The following ZNF7 variants were observed in gnomAD, a reference collection of about 807,000 sequenced individuals.
The protein encoded by ZNF7 is zinc finger protein 7.
In ZNF7, 10 loss-of-function variants were observed where a neutral mutation model predicts 12.0. That is an observed-to-expected ratio of 0.83 (90% CI 0.51 to 1.42). The LOEUF (loss-of-function observed/expected upper bound fraction) is 1.42. Ranked by LOEUF, ZNF7 falls within the 40% of genes most tolerant of loss-of-function variation. The probability of loss-of-function intolerance (pLI) is 0.00; values close to 1 mark genes in which losing one functional copy is unlikely to be tolerated. For missense variants in ZNF7, 854 were observed against 837.2 expected, an observed-to-expected ratio of 1.02 and a Z score of -0.25; for synonymous variants, 334 against 295.0, an observed-to-expected ratio of 1.13 and a Z score of -1.35.
chr8:144,844,767 A>C (rs906503815), downstream of ZNF7, among the ~76,000 whole-genome samples: 1 of 149,230 alleles, frequency 6.7e-6, no homozygotes, highest in Non-Finnish European at 1.5e-5. Flanking sequence ...GGTGGTTGGG[A>C]AACAAATATG....
chr8:144,832,964 G>T (rs891085479), intron 3 of ZNF7, among the ~76,000 whole-genome samples: 5 of 152,020 alleles, frequency 3.3e-5, no homozygotes, highest in Non-Finnish European at 7.4e-5. Context: ...GAAGTAGGCC[G>T]AGGTGGGCGG....
downstream of ZNF7, among the ~76,000 whole-genome samples, chr8:144,844,578 C>T (rs552104609): frequency 4.2e-4 from 64 of 151,874 alleles, no homozygotes; most frequent in African/African-American, 1.4e-3. Context: ...GGCGTGGTGG[C>T]GGGCACCTGT....
At chr8:144,836,580 T>A (rs1206790773) in intron 3 of ZNF7, 1 of 152,300 alleles carries the variant, frequency 6.6e-6, no homozygotes, top group African/African-American at 2.4e-5. Flanking sequence ...TTGTTCCACA[T>A]GTACTTGGAG....
downstream of ZNF7, chr8:144,845,980 C>A: frequency 6.5e-7 from 1 of 1,536,458 alleles, no homozygotes; most frequent in South Asian, 1.2e-5. Context: ...CTACTTCAGG[C>A]TTTCTGGGCC....
downstream of ZNF7, among the ~76,000 whole-genome samples, chr8:144,845,199 G>A (rs1439938353): frequency 6.6e-6 from 1 of 152,318 alleles, no homozygotes; most frequent in East Asian, 1.9e-4. Context: ...GAGAAATCCT[G>A]TGGCCATTCC....
Position 144,838,856 on chromosome 8 carries a change from G to C in ZNF7, c.247+1349G>C. Reference sequence around the variant, plus strand: ...ACTCGGGAGGCCGAGGCAGGAGAATGGTGTGAGCCCAGGAGGCAGAGCTTG... The same window carrying C: ...ACTCGGGAGGCCGAGGCAGGAGAATCGTGTGAGCCCAGGAGGCAGAGCTTG... On this transcript the variant is annotated intron_variant, in intron 4 of 4. Coordinates refer to ENST00000532777, the MANE Select transcript of ZNF7 (RefSeq NM_003416.4). 2 of 138,002 alleles carry C rather than the reference G, an allele frequency of 1.4e-5. 1 individual carries two copies. Among genetic ancestry groups the C allele is most frequent in the Non-Finnish European group, 3.1e-5 (2 of 64,096 alleles). 8.5% of individuals were successfully genotyped at this position (138,002 alleles called of 1,614,324 possible).
intron 3 of ZNF7, chr8:144,835,633 T>C (rs1393933142): frequency 6.6e-6 from 1 of 152,244 alleles, no homozygotes; most frequent in Non-Finnish European, 1.5e-5. Flanking sequence ...AACTGGCTTT[T>C]GGTTTTGCCT....
At chr8:144,828,360 A>C (rs893738346) in intron 1 of ZNF7, among the ~76,000 whole-genome samples, 3 of 152,088 alleles carry the variant, frequency 2.0e-5, no homozygotes, top group Non-Finnish European at 2.9e-5. Context: ...TATGTACTTG[A>C]GGGCAGGGGT....
intron 3 of ZNF7, among the ~76,000 whole-genome samples, chr8:144,831,287 G>T (rs1248332817): frequency 6.6e-6 from 1 of 152,166 alleles, no homozygotes; most frequent in East Asian, 1.9e-4. Context: ...CAAGTCACAG[G>T]GTAAAGCTTT....
At chr8:144,831,152 CTG>C in intron 3 of ZNF7, 1 of 367,430 alleles carries the variant, frequency 2.7e-6, no homozygotes, top group Non-Finnish European at 5.4e-6. Context: ...TACACAGTTG[CTG>C]ATGTACCAGT....
chr8:144,829,709 T>C, intron 3 of ZNF7, 105 bp downstream of exon 3: 1 of 1,427,290 alleles, frequency 7.0e-7, no homozygotes, highest in Non-Finnish European at 9.3e-7. Context: ...CTCAGACCCT[T>C]GTGGGCTCCA....
rs1586844486 is a variant in ZNF7, at chr8:144,843,050, A to G, written c.1943A>G (p.His648Arg). ...GAGAAGATATTTAGGTGGCGTTCAC[A>G]CCTAATTATACACCAGAGAATTCAC... Reference protein sequence around the residue: ...DCEKIFRWRSHLIIHQRIHTG... With the variant: ...DCEKIFRWRSRLIIHQRIHTG... Residue 648 changes from histidine (H) to arginine (R), a missense_variant, in exon 5 of 5, where the codon CAC (histidine) becomes CGC (arginine). By Grantham distance (29) the His-to-Arg change is conservative. Transcript: ENST00000532777. The G allele has an allele frequency of 6.2e-7, 1 of 1,614,188 alleles. No homozygotes were observed. Among genetic ancestry groups the G allele is most frequent in the Non-Finnish European group, 8.5e-7 (1 of 1,180,044 alleles).
chr8:144,835,291 A>G (rs1364573441), intron 3 of ZNF7: 1 of 149,512 alleles, frequency 6.7e-6, no homozygotes, highest in South Asian at 2.1e-4. Context: ...GCAGCCTTGA[A>G]CTCCTGGGCT....
downstream of ZNF7, among the ~76,000 whole-genome samples, chr8:144,844,962 G>A (rs1291242320): frequency 6.6e-6 from 1 of 151,982 alleles, no homozygotes; most frequent in Non-Finnish European, 1.5e-5. Context: ...GTAGGGAAAA[G>A]AACTTGAGCT....
At chr8:144,832,963 C>T (rs1357010165) in intron 3 of ZNF7, among the ~76,000 whole-genome samples, 5 of 152,006 alleles carry the variant, frequency 3.3e-5, no homozygotes, top group Non-Finnish European at 7.4e-5. Flanking sequence ...TGAAGTAGGC[C>T]GAGGTGGGCG....
chr8:144,828,678 G>A (rs1309524035), intron 1 of ZNF7: 2 of 250,288 alleles, frequency 8.0e-6, no homozygotes, highest in African/African-American at 4.4e-5. Context: ...GAGCGCTGTC[G>A]TGGTTGCAGT....
chr8:144,840,482 CGTG>C (rs1469357114), intron 4 of ZNF7, among the ~76,000 whole-genome samples: 9 of 152,114 alleles, frequency 5.9e-5, no homozygotes, highest in Admixed American at 2.6e-4. Context: ...GTGATTGTGT[CGTG>C]GTGGGGACCG....
chr8:144,828,998 G>T (rs1323348786), intron 1 of ZNF7, 45 bp from the exon 2 acceptor site: 1 of 1,599,238 alleles, frequency 6.3e-7, no homozygotes, highest in Non-Finnish European at 8.5e-7. Flanking sequence ...CTGGAAGTTG[G>T]GCTTCTGGCA....
chr8:144,838,170 C>T (rs978639101), intron 4 of ZNF7: 19 of 702,558 alleles, frequency 2.7e-5, no homozygotes, highest in African/African-American at 7.0e-5. Flanking sequence ...CTCTGATCTC[C>T]GACTCCTTCA....
Sources: allele counts gnomAD v4.1 joint callset (sites outside exome capture counted in the v4.1 genomes callset), GRCh38; gene constraint gnomAD v4.1.1; transcripts MANE v1.5; gene names NCBI Gene and HGNC (gene_info 2026-07-23, HGNC 2026-07-21).